Variants in USP25 observed in about 807,000 individuals in gnomAD.
USP25 encodes the protein ubiquitin carboxyl-terminal hydrolase 25.
USP25 carries 85 observed loss-of-function variants against 158.5 expected under a neutral mutation model. That is an observed-to-expected ratio of 0.54 (90% CI 0.45 to 0.64). The LOEUF is 0.64. Among genes scored for constraint, USP25 ranks in the 30% least tolerant of loss-of-function variants. USP25 has a pLI of 0.00. For synonymous variants in USP25, 464 were observed against 460.4 expected (o/e 1.01, Z -0.10); for missense variants, 1,242 against 1,327.3 (o/e 0.94, Z 1.00).
chr21:15,803,848 C>T (rs1182257126), intron 6 of USP25, among the ~76,000 whole-genome samples: 1 of 151,766 alleles, frequency 6.6e-6, no homozygotes, highest in Non-Finnish European at 1.5e-5. Context: ...TCTCAGGACT[C>T]TTTTTTGGAA....
chr21:15,820,583 A>G (rs1045611872), intron 10 of USP25, among the ~76,000 whole-genome samples: 1 of 151,972 alleles, frequency 6.6e-6, no homozygotes, highest in Non-Finnish European at 1.5e-5. Flanking sequence ...CTATAGTTTC[A>G]ATAATAATTC....
chr21:15,847,243 T>C (rs2038664194), intron 18 of USP25, among the ~76,000 whole-genome samples: 1 of 152,160 alleles, frequency 6.6e-6, no homozygotes, highest in Admixed American at 6.5e-5. Context: ...TATTGGACTT[T>C]TTAAAAAATT....
intron 16 of USP25, among the ~76,000 whole-genome samples, chr21:15,832,327 A>T (rs1334796505): frequency 6.6e-6 from 1 of 152,198 alleles, no homozygotes; most frequent in Non-Finnish European, 1.5e-5. Context: ...TTTAATGCTG[A>T]TATTCTGATA....
At chr21:15,779,268 G>A (rs2034826913) in intron 4 of USP25, among the ~76,000 whole-genome samples, 1 of 151,792 alleles carries the variant, frequency 6.6e-6, no homozygotes, top group East Asian at 1.9e-4. Flanking sequence ...ATATGAATTG[G>A]GCTTTTTCTT....
At chr21:15,812,619 C>T (rs1196248873) in intron 9 of USP25, among the ~76,000 whole-genome samples, 59 of 151,528 alleles carry the variant, frequency 3.9e-4, no homozygotes, top group Admixed American at 3.9e-3. Context: ...CCACTGCACT[C>T]CAGCCTGGGA....
At chr21:15,812,603 A>T (rs946279679) in intron 9 of USP25, among the ~76,000 whole-genome samples, 1 of 151,760 alleles carries the variant, frequency 6.6e-6, no homozygotes, top group African/African-American at 2.4e-5. Context: ...GTGAGCTGAG[A>T]TCGGGCCACT....
chr21:15,776,077 A>G (rs1439289939), intron 3 of USP25, among the ~76,000 whole-genome samples: 1 of 152,080 alleles, frequency 6.6e-6, no homozygotes, highest in Non-Finnish European at 1.5e-5. Flanking sequence ...TTTATGAGGC[A>G]TTCCATACCT....
At chr21:15,794,840 G>A (rs923632240) in intron 5 of USP25, among the ~76,000 whole-genome samples, 1 of 151,384 alleles carries the variant, frequency 6.6e-6, no homozygotes, top group Non-Finnish European at 1.5e-5. Flanking sequence ...CTGGCACATT[G>A]GAATAGCCCA....
chr21:15,770,590 G>C (rs150475843), intron 3 of USP25, among the ~76,000 whole-genome samples: 7 of 152,242 alleles, frequency 4.6e-5, no homozygotes, highest in African/African-American at 1.7e-4. Flanking sequence ...TGCTGCCACT[G>C]TGATTTTAGC....
At chr21:15,815,929 G>A (rs2036916221) in intron 9 of USP25, among the ~76,000 whole-genome samples, 1 of 152,278 alleles carries the variant, frequency 6.6e-6, no homozygotes, top group Non-Finnish European at 1.5e-5. Context: ...GGACTTTTGG[G>A]TTAATGCTAA....
chr21:15,854,859 A>G (rs1261523662), intron 20 of USP25, among the ~76,000 whole-genome samples: 1 of 152,234 alleles, frequency 6.6e-6, no homozygotes, highest in Non-Finnish European at 1.5e-5. Flanking sequence ...GCAATGGGCT[A>G]CACTACACTA....
Position 15,827,096 on chromosome 21 carries a change from C to T in USP25, c.1586C>T (p.Pro529Leu). The T allele has an allele frequency of 6.2e-7, 1 of 1,614,202 alleles. No individual in the cohort carries two copies. The highest frequency in any genetic ancestry group is 1.3e-5 in the African/African-American group (1 of 75,048). The change falls in exon 14 of 26, where the codon CCA becomes CTA. Residue 529 changes from proline (P) to leucine (L), a missense_variant. Physicochemically the swap from Pro to Leu is moderately conservative, Grantham distance 98. This residue lies in a region of USP25 where 627 missense variants were observed against 701.4 expected (regional missense o/e 0.89). Coordinates refer to ENST00000400183, the MANE Select transcript of USP25 (RefSeq NM_001283041.3). ...CCATTTACTCAGTCCCGGATACCTC[C>T]AGATTTGCCCATGCATCCGGCACCA... Reference protein sequence around the residue: ...HKPFTQSRIPPDLPMHPAPRH... With the variant: ...HKPFTQSRIPLDLPMHPAPRH...
At chr21:15,736,080 T>G (rs1159468039) in intron 1 of USP25, among the ~76,000 whole-genome samples, 1 of 151,580 alleles carries the variant, frequency 6.6e-6, no homozygotes, top group Non-Finnish European at 1.5e-5. Flanking sequence ...CAGTAGTGTT[T>G]GCCAGATGCT....
At chr21:15,824,925 C>A (rs768251067) in intron 11 of USP25, 41 bp from the exon 12 acceptor site, 3 of 1,517,710 alleles carry the variant, frequency 2.0e-6, no homozygotes, top group South Asian at 2.3e-5. Flanking sequence ...CATCTACTTT[C>A]ATGATATTCG....
intron 4 of USP25, among the ~76,000 whole-genome samples, chr21:15,783,447 CCT>C (rs2035083874): frequency 6.6e-6 from 1 of 152,004 alleles, no homozygotes; most frequent in African/African-American, 2.4e-5. Flanking sequence ...CCCTCAAAAT[CCT>C]CTCAAAGGTA....
intron 8 of USP25, among the ~76,000 whole-genome samples, chr21:15,810,167 C>T (rs1305146949): frequency 6.6e-6 from 1 of 152,202 alleles, no homozygotes; most frequent in East Asian, 1.9e-4. Flanking sequence ...GACAGTGTAT[C>T]TTACCATGCA....
chr21:15,739,080 T>G (rs146495658), intron 1 of USP25, among the ~76,000 whole-genome samples: 8 of 152,258 alleles, frequency 5.3e-5, no homozygotes, highest in Non-Finnish European at 1.2e-4. Context: ...ATAAACCCCT[T>G]CCTCCTTTAA....
chr21:15,832,769 A>G (rs1406656070), intron 16 of USP25, among the ~76,000 whole-genome samples: 1 of 152,120 alleles, frequency 6.6e-6, no homozygotes, highest in Non-Finnish European at 1.5e-5. Context: ...CTGTAATCCC[A>G]GCACTTTGGG....
intron 10 of USP25, among the ~76,000 whole-genome samples, chr21:15,823,701 A>G (rs1414175296): frequency 6.6e-6 from 1 of 152,160 alleles, no homozygotes; most frequent in East Asian, 1.9e-4. Context: ...ATCACGTTGA[A>G]GAAGACAGAG....
Sources: gnomAD v4.1 joint callset for allele counts (sites outside exome capture counted in the v4.1 genomes callset) on GRCh38, gnomAD v4.1.1 for gene constraint, gnomAD v4.1.1 regional missense constraint, MANE v1.5 for transcripts, NCBI Gene and HGNC (gene_info 2026-07-23, HGNC 2026-07-21) for gene names.